PARD3B: variants seen among roughly 807,000 people sequenced by gnomAD.
PARD3B encodes the protein partitioning defective 3 homolog B.
A neutral mutation model predicts 130.2 loss-of-function variants in PARD3B; 103 were observed. The ratio of observed to expected loss-of-function variants is 0.79; its 90% CI spans 0.67 to 0.93. PARD3B has a LOEUF of 0.93. Among genes scored for constraint, PARD3B ranks in the 40% least tolerant of loss-of-function variants. PARD3B has a pLI of 0.00. For synonymous variants in PARD3B, 583 were observed against 553.2 expected (o/e 1.05, Z -0.76); for missense variants, 1,609 against 1,499.2 (o/e 1.07, Z -1.21).
chr2:205,203,444 CT>C (rs1384526401), intron 15 of PARD3B, among the ~76,000 whole-genome samples: 3 of 149,172 alleles, frequency 2.0e-5, no homozygotes, highest in African/African-American at 7.4e-5. Context: ...TTTTACTATA[CT>C]TTTACTTTTT....
chr2:204,843,728 G>T (rs747833771), intron 2 of PARD3B, among the ~76,000 whole-genome samples: 11 of 152,090 alleles, frequency 7.2e-5, no homozygotes, highest in Non-Finnish European at 1.2e-4. Flanking sequence ...AGAGAAGCAG[G>T]TGCATCTGAA....
At chr2:205,014,592 T>C (rs758698270) in intron 3 of PARD3B, among the ~76,000 whole-genome samples, 1 of 152,252 alleles carries the variant, frequency 6.6e-6, no homozygotes. Context: ...GTGCCTATGA[T>C]TGAGATTATC....
At chr2:204,695,477 G>A (rs2037568277) in intron 2 of PARD3B, among the ~76,000 whole-genome samples, 1 of 151,930 alleles carries the variant, frequency 6.6e-6, no homozygotes. Context: ...CTTCACTAAA[G>A]CAGTATTGTA....
At chr2:205,402,013 G>A (rs2046270061) in intron 19 of PARD3B, among the ~76,000 whole-genome samples, 1 of 152,132 alleles carries the variant, frequency 6.6e-6, no homozygotes, top group Admixed American at 6.6e-5. Flanking sequence ...TATTACTTTA[G>A]TATGTGTACT....
chr2:204,939,021 G>A (rs777749197), intron 2 of PARD3B, among the ~76,000 whole-genome samples: 25 of 152,148 alleles, frequency 1.6e-4, no homozygotes, highest in Non-Finnish European at 2.6e-4. Context: ...GGCATCAAAT[G>A]TACGAAACAT....
chr2:205,439,226 G>A (rs866812231), intron 19 of PARD3B, among the ~76,000 whole-genome samples: 33 of 152,180 alleles, frequency 2.2e-4, no homozygotes, highest in South Asian at 6.2e-4. Context: ...TATGTCTCCA[G>A]TCATATACAG....
At chr2:205,220,845 G>A (rs1040227446) in intron 15 of PARD3B, among the ~76,000 whole-genome samples, 1 of 152,186 alleles carries the variant, frequency 6.6e-6, no homozygotes, top group Non-Finnish European at 1.5e-5. Context: ...AAAACCTTGA[G>A]GAGGGGCATG....
At chr2:204,586,634 G>A (rs183162461) in intron 1 of PARD3B, among the ~76,000 whole-genome samples, 1 of 152,250 alleles carries the variant, frequency 6.6e-6, no homozygotes, top group East Asian at 1.9e-4. Context: ...CAATCAGAAA[G>A]AACATGTAGG....
chr2:205,363,807 G>T (rs1450519936), intron 18 of PARD3B, among the ~76,000 whole-genome samples: 2 of 149,416 alleles, frequency 1.3e-5, no homozygotes, highest in Non-Finnish European at 1.5e-5. Context: ...TGGGACTACA[G>T]GCATGCGCCA....
At chr2:205,477,504 T>C (rs2049066647) in intron 20 of PARD3B, among the ~76,000 whole-genome samples, 1 of 152,130 alleles carries the variant, frequency 6.6e-6, no homozygotes. Flanking sequence ...ATTGGAGGCG[T>C]TGGTTTTAAC....
intron 12 of PARD3B, among the ~76,000 whole-genome samples, chr2:205,175,507 A>G (rs530170523): frequency 6.6e-6 from 1 of 152,356 alleles, no homozygotes; most frequent in East Asian, 1.9e-4. Flanking sequence ...TTTTATAACC[A>G]AAGAGGAAAA....
chr2:205,574,870 A>G (rs6743833), intron 22 of PARD3B, among the ~76,000 whole-genome samples: 51 of 150,730 alleles, frequency 3.4e-4, no homozygotes, highest in East Asian at 1.2e-3. Flanking sequence ...AAAAAAAAAA[A>G]AAAGAAAGAA....
intron 4 of PARD3B, among the ~76,000 whole-genome samples, chr2:205,058,479 G>A (rs1018907898): frequency 6.6e-6 from 1 of 151,848 alleles, no homozygotes; most frequent in African/African-American, 2.4e-5. Context: ...TTGGATCATA[G>A]GGTTTATTCT....
At chr2:204,619,939 G>A (rs531417008) in intron 1 of PARD3B, among the ~76,000 whole-genome samples, 1 of 152,128 alleles carries the variant, frequency 6.6e-6, no homozygotes, top group African/African-American at 2.4e-5. Context: ...GGCTGACAAA[G>A]CTCCATCTCC....
intron 15 of PARD3B, among the ~76,000 whole-genome samples, chr2:205,224,388 A>AAAAAAC (rs2038421779): frequency 7.5e-6 from 1 of 133,378 alleles, no homozygotes; most frequent in Non-Finnish European, 1.6e-5. Flanking sequence ...AAAAAAAAAA[A>AAAAAAC]GAAAGAAAGA....
At chr2:204,705,827 G>C (rs748242545) in intron 2 of PARD3B, among the ~76,000 whole-genome samples, 3 of 152,108 alleles carry the variant, frequency 2.0e-5, no homozygotes, top group Admixed American at 2.0e-4. Flanking sequence ...TTGACCGAAC[G>C]CTAGCCAAGT....
intron 16 of PARD3B, among the ~76,000 whole-genome samples, chr2:205,262,182 G>A (rs1473513490): frequency 6.6e-6 from 1 of 152,028 alleles, no homozygotes; most frequent in Non-Finnish European, 1.5e-5. Context: ...TTGAGAATTT[G>A]GATCAAGACA....
chr2:204,831,129 T>G (rs2043802171), intron 2 of PARD3B, among the ~76,000 whole-genome samples: 1 of 152,182 alleles, frequency 6.6e-6, no homozygotes, highest in Admixed American at 6.5e-5. Flanking sequence ...AAATTTAGCT[T>G]AATAGCTTTG....
At chr2:204,550,990 C>A (rs1201127132) in intron 1 of PARD3B, among the ~76,000 whole-genome samples, 1 of 152,238 alleles carries the variant, frequency 6.6e-6, no homozygotes, top group Non-Finnish European at 1.5e-5. Flanking sequence ...TGGGCACTGA[C>A]TTACTTGAGT....
Sources: gnomAD v4.1 joint callset for allele counts (sites outside exome capture counted in the v4.1 genomes callset) on GRCh38, gnomAD v4.1.1 for gene constraint, MANE v1.5 for transcripts, NCBI Gene and HGNC (gene_info 2026-07-23, HGNC 2026-07-21) for gene names.